The following CSMD1 variants were observed in gnomAD, a reference collection of about 807,000 sequenced individuals.
CSMD1 encodes the protein CUB and Sushi multiple domains 1.
A neutral mutation model predicts 417.5 loss-of-function variants in CSMD1; 213 were observed. The observed-to-expected ratio is 0.51, with a 90% CI of 0.46 to 0.57. The LOEUF (loss-of-function observed/expected upper bound fraction) is 0.57, where lower values mean the gene tolerates loss of function less well. CSMD1 is among the 20% of genes least tolerant of loss of function. The probability of loss-of-function intolerance (pLI) is 0.00; values close to 1 mark genes in which losing one functional copy is unlikely to be tolerated. For missense variants in CSMD1, 6,923 were observed against 4,529.7 expected, an observed-to-expected ratio of 1.53 and a Z score of -15.17; for synonymous variants, 2,862 against 1,736.8, an observed-to-expected ratio of 1.65 and a Z score of -16.11.
intron 5 of CSMD1, among the ~76,000 whole-genome samples, chr8:3,815,616 G>A (rs977582383): frequency 1.6e-5 from 2 of 122,930 alleles, no homozygotes; most frequent in African/African-American, 6.3e-5. Context: ...GTCTATCACT[G>A]CTAGACTTTC....
At chr8:4,344,935 T>C (rs1800695998) in intron 3 of CSMD1, among the ~76,000 whole-genome samples, 1 of 152,146 alleles carries the variant, frequency 6.6e-6, no homozygotes, top group South Asian at 2.1e-4. Flanking sequence ...GGTCAGCTGG[T>C]CTCTGTTCCA....
chr8:3,606,609 C>G (rs114815752), intron 8 of CSMD1, among the ~76,000 whole-genome samples: 39 of 151,974 alleles, frequency 2.6e-4, no homozygotes, highest in Non-Finnish European at 5.1e-4. Flanking sequence ...CTCCTGTAGA[C>G]CTTAGAAACA....
At chr8:4,205,349 A>C (rs566601167) in intron 3 of CSMD1, among the ~76,000 whole-genome samples, 4 of 152,246 alleles carry the variant, frequency 2.6e-5, no homozygotes, top group African/African-American at 9.6e-5. Flanking sequence ...AATGATTGAG[A>C]TAAATGTCAC....
At chr8:3,734,796 G>A (rs1210260616) in intron 6 of CSMD1, among the ~76,000 whole-genome samples, 1 of 152,308 alleles carries the variant, frequency 6.6e-6, no homozygotes, top group Admixed American at 6.5e-5. Context: ...CTGCAACTGG[G>A]TGCTGAGGCC....
chr8:3,935,483 C>A (rs75447846), intron 5 of CSMD1, among the ~76,000 whole-genome samples: 4 of 152,114 alleles, frequency 2.6e-5, no homozygotes, highest in Non-Finnish European at 5.9e-5. Context: ...TGTCATTATT[C>A]CAATTGCATC....
At chr8:4,633,895 G>C (rs1249226099) in intron 2 of CSMD1, among the ~76,000 whole-genome samples, 1 of 151,902 alleles carries the variant, frequency 6.6e-6, no homozygotes, top group Non-Finnish European at 1.5e-5. Flanking sequence ...TTTGGGATTT[G>C]GTGACTGCAT....
At position 2,955,625 on chromosome 8, in the gene CSMD1, C is replaced by A; in HGVS notation, c.9958G>T (p.Asp3320Tyr). The A allele has an allele frequency of 6.2e-7, 1 of 1,613,840 alleles. No homozygotes were observed. Among genetic ancestry groups the A allele is most frequent in the Non-Finnish European group, 8.5e-7 (1 of 1,179,796 alleles). The change falls in exon 64 of 70, where the codon GAC becomes TAC. Residue 3320 changes from aspartate (D) to tyrosine (Y), a missense_variant. Transcript: ENST00000635120. ...GGCGACTTTCCTGTCCATTTCATGT[C>A]TGCTTTACATGTTCTGTGCTCAGAT... ...GGSEHRTCKA[D>Y]MKWTGKSPVC...
At chr8:3,530,534 T>C (rs1356117877) in intron 10 of CSMD1, among the ~76,000 whole-genome samples, 1 of 152,204 alleles carries the variant, frequency 6.6e-6, no homozygotes. Flanking sequence ...GTTTTGTTTT[T>C]GTTTTGAGGT....
intron 1 of CSMD1, among the ~76,000 whole-genome samples, chr8:4,782,773 T>C (rs1416385311): frequency 2.0e-5 from 3 of 152,186 alleles, no homozygotes; most frequent in Non-Finnish European, 4.4e-5. Context: ...TAGTTAGTAA[T>C]AGTTTCCAAG....
At chr8:3,282,442 A>G (rs4588880) in intron 26 of CSMD1, among the ~76,000 whole-genome samples, 1 of 152,058 alleles carries the variant, frequency 6.6e-6, no homozygotes, top group Non-Finnish European at 1.5e-5. Flanking sequence ...ACATAATCTC[A>G]TAACTTTCTC....
chr8:4,483,862 A>G (rs1261038012), intron 2 of CSMD1, among the ~76,000 whole-genome samples: 1 of 152,200 alleles, frequency 6.6e-6, no homozygotes, highest in East Asian at 1.9e-4. Context: ...GTGTTTCACA[A>G]TACTTAGAGT....
intron 8 of CSMD1, among the ~76,000 whole-genome samples, chr8:3,595,012 T>G (rs1471587765): frequency 6.6e-6 from 1 of 152,246 alleles, no homozygotes; most frequent in Non-Finnish European, 1.5e-5. Context: ...GGCCTCTGTG[T>G]GCAGTCTCTC....
chr8:3,101,759 G>C (rs945206348), intron 46 of CSMD1, among the ~76,000 whole-genome samples: 1 of 142,702 alleles, frequency 7.0e-6, no homozygotes, highest in African/African-American at 2.6e-5. Flanking sequence ...CACTCTCCTT[G>C]TTTCCCTAAA....
In CSMD1 at chr8:3,717,602, G is replaced by A. The variant is rs564378840; in HGVS notation, c.932-9111C>T. On this transcript the variant is annotated intron_variant, in intron 6 of 69. Transcript: ENST00000635120. ...ATAATCAAGAAGAAAATGTAACTGT[G>A]TAAACCCATCACCACAGACAACCAC... Among the ~76,000 whole-genome samples, 4 of 152,228 alleles carry A rather than the reference G, an allele frequency of 2.6e-5. No individual in the cohort carries two copies. The South Asian group carries it at 6.2e-4, about 24-fold the overall frequency.
chr8:3,967,037 G>C (rs1024525320), intron 5 of CSMD1, among the ~76,000 whole-genome samples: 4 of 152,148 alleles, frequency 2.6e-5, no homozygotes, highest in Non-Finnish European at 5.9e-5. Flanking sequence ...GGCCGTTTTA[G>C]TTGAGGTAAT....
chr8:4,391,161 T>C (rs1400822903), intron 3 of CSMD1, among the ~76,000 whole-genome samples: 1 of 152,176 alleles, frequency 6.6e-6, no homozygotes, highest in African/African-American at 2.4e-5. Flanking sequence ...CAGGCAAGTA[T>C]GGCAAGAACT....
At chr8:3,860,121 C>G (rs1804596506) in intron 5 of CSMD1, among the ~76,000 whole-genome samples, 1 of 152,066 alleles carries the variant, frequency 6.6e-6, no homozygotes, top group African/African-American at 2.4e-5. Flanking sequence ...TATTGATCCC[C>G]TTTGAAGCTT....
chr8:4,297,983 A>G (rs116961548), intron 3 of CSMD1, among the ~76,000 whole-genome samples: 2,747 of 152,256 alleles, frequency 0.018, 45 homozygotes, highest in Non-Finnish European at 0.028. Context: ...TATGGTGAAG[A>G]GGTGCTAAAA....
In CSMD1 at chr8:3,906,181, T is replaced by A. The variant is rs148439966; in HGVS notation, c.818+91722A>T. On this transcript the variant is annotated intron_variant, in intron 5 of 69. Transcript: ENST00000635120. ...ATACTACCTGCATTTGTGATATGGG[T>A]TAATGTAAGTGAATCACAAGTGCTT... Among the ~76,000 whole-genome samples, 1,227 of 152,282 alleles carry A rather than the reference T, an allele frequency of 8.1e-3. 8 individuals carry two copies. Among genetic ancestry groups the A allele is most frequent in the Middle Eastern group, 0.02 (6 of 294 alleles).
Sources: allele counts gnomAD v4.1 joint callset (sites outside exome capture counted in the v4.1 genomes callset), GRCh38; gene constraint gnomAD v4.1.1; transcripts MANE v1.5; gene names NCBI Gene and HGNC (gene_info 2026-07-23, HGNC 2026-07-21).